ULBP1: variants seen among roughly 807,000 people sequenced by gnomAD.
ULBP1 encodes UL16-binding protein 1.
A neutral mutation model predicts 25.3 loss-of-function variants in ULBP1; 28 were observed. The ratio of observed to expected loss-of-function variants is 1.10; its 90% CI spans 0.82 to 1.51. The LOEUF is 1.51. Among genes scored for constraint, ULBP1 ranks in the 40% most tolerant of loss-of-function variants. ULBP1 has a pLI of 0.00. For synonymous variants in ULBP1, 129 were observed against 103.0 expected (o/e 1.25, Z -1.53); for missense variants, 348 against 290.9 (o/e 1.20, Z -1.43).
In ULBP1 at chr6:149,963,956, C is replaced by G. The variant is rs1779146676; in HGVS notation, c.-94C>G. ...ATCCCGCCCAGTGTATCCCTGCGCG[C>G]GGCGGGCCGGGCTGGGCAGCTTTAT... On this transcript the variant is annotated 5_prime_UTR_variant, in exon 1 of 5. Transcript: ENST00000229708. 10 of 1,289,958 alleles carry G rather than the reference C, an allele frequency of 7.8e-6. No homozygotes were observed. The highest frequency in any genetic ancestry group is 1.1e-5 in the Non-Finnish European group (10 of 916,724). 79.9% of individuals were successfully genotyped at this position (1,289,958 alleles called of 1,614,324 possible). A position where few individuals can be genotyped will look rare whatever the true frequency, so the allele number is the denominator to read the frequency against.
At position 149,968,830 on chromosome 6, in the gene ULBP1, G is replaced by A. The variant is rs115267288; in HGVS notation, c.309G>A (p.Gly103=). Residue 103 remains glycine, a synonymous_variant, in exon 2 of 5, where the codon GGG becomes GGA. Transcript: ENST00000229708. ...TLRDVVDFLK[G]QLLDIQVENL... Reference sequence around the variant, plus strand: ...GAGACGTGGTGGATTTCCTTAAAGGGCAACTGCTTGACATTCAAGTGGAGA... The same window carrying A: ...GAGACGTGGTGGATTTCCTTAAAGGACAACTGCTTGACATTCAAGTGGAGA... 1,235 of 1,614,202 alleles carry A rather than the reference G, an allele frequency of 7.7e-4. No homozygotes were observed. The highest frequency in any genetic ancestry group is 1.0e-3 in the Non-Finnish European group (1,186 of 1,180,030).
intron 1 of ULBP1, among the ~76,000 whole-genome samples, chr6:149,968,338 G>A (rs1779240102): frequency 6.6e-6 from 1 of 152,216 alleles, no homozygotes; most frequent in Admixed American, 6.5e-5. Flanking sequence ...ACAAGGTCAT[G>A]TGCTGACTGA....
At chr6:149,964,212 GGGA>G in intron 1 of ULBP1, 78 bp downstream of exon 1, 8 of 1,537,590 alleles carry the variant, frequency 5.2e-6, no homozygotes, top group Non-Finnish European at 7.1e-6. Flanking sequence ...TTCAGAGGAG[GGGA>G]GGCTTCTGGA....
intron 3 of ULBP1, 144 bp downstream of exon 3, chr6:149,969,504 G>A (rs1326015856): frequency 4.8e-5 from 55 of 1,135,394 alleles, no homozygotes; most frequent in Middle Eastern, 4.1e-4. Flanking sequence ...GTCCTGGCAT[G>A]CCTGTGCTCT....
In ULBP1 at chr6:149,971,605, G is replaced by C. The variant is rs1977656; in HGVS notation, c.*259G>C. On this transcript the variant is annotated 3_prime_UTR_variant, in exon 5 of 5. Transcript: ENST00000229708. ...TTCTTAACACCTTCTGCCACTTTCTGTCGGTGCTAATGGATGGAACTCCTG... is the reference window on the plus strand; with the variant it reads ...TTCTTAACACCTTCTGCCACTTTCTCTCGGTGCTAATGGATGGAACTCCTG... The C allele has an allele frequency of 0.12, 19,239 of 157,276 alleles. 2,171 individuals are homozygous for C. The highest frequency in any genetic ancestry group is 0.36 in the East Asian group (1,845 of 5,160). 9.7% of individuals were successfully genotyped at this position (157,276 alleles called of 1,614,324 possible). A position where few individuals can be genotyped will look rare whatever the true frequency, so the allele number is the denominator to read the frequency against.
intron 3 of ULBP1, 147 bp from the exon 4 acceptor site, chr6:149,969,869 C>T (rs1221136880): frequency 3.6e-6 from 4 of 1,104,250 alleles, no homozygotes; most frequent in Non-Finnish European, 5.1e-6. Flanking sequence ...CCCTTCTTAC[C>T]CCAAGACTTG....
At position 149,969,292 on chromosome 6, in the gene ULBP1, C is replaced by A. The variant is rs766282584; in HGVS notation, c.557C>A (p.Ser186Ter). 13 of 1,614,196 alleles carry A rather than the reference C, an allele frequency of 8.1e-6. No individual in the cohort carries two copies. In the South Asian group the frequency reaches 1.4e-4, roughly 18 times the overall value. The change falls in exon 3 of 5, where the codon TCA (serine) becomes TAA (stop). Residue 186 changes from serine (S) to a stop codon, truncating the protein, a stop_gained. Transcript: ENST00000229708. LOFTEE classifies it high-confidence loss of function. ...RDVTMFFQKI[S>*]LGDCKMWLEE... ...GTGACCATGTTCTTCCAGAAGATTT[C>A]ACTGGGGGATTGTAAGATGTGGCTT...
Position 149,968,519 on chromosome 6 carries a change from C to T in ULBP1, c.86-88C>T, listed in dbSNP as rs1779243461. ...TCTGCCAGCCCAGCCCCTCAGAGGC[C>T]TTCACTTGCAGTCACCATAAGTGGG... On this transcript the variant is annotated intron_variant, in intron 1 of 4. Coordinates refer to ENST00000229708, the MANE Select transcript of ULBP1 (RefSeq NM_025218.4). 7 of 1,515,338 alleles carry T rather than the reference C, an allele frequency of 4.6e-6. No individual in the cohort carries two copies. In the South Asian group the frequency reaches 9.4e-5, roughly 20 times the overall value. 93.9% of individuals were successfully genotyped at this position (1,515,338 alleles called of 1,614,324 possible).
At chr6:149,967,803 A>G (rs1365709920) in intron 1 of ULBP1, among the ~76,000 whole-genome samples, 3 of 152,142 alleles carry the variant, frequency 2.0e-5, no homozygotes, top group South Asian at 2.1e-4. Context: ...TTTCAGGAAC[A>G]GCATTTCCTA....
At chr6:149,966,207 C>T (rs943873012) in intron 1 of ULBP1, among the ~76,000 whole-genome samples, 17 of 152,308 alleles carry the variant, frequency 1.1e-4, no homozygotes, top group African/African-American at 3.8e-4. Context: ...AGTCCTGTCC[C>T]TTTGTAGAGC....
intron 3 of ULBP1, among the ~76,000 whole-genome samples, 184 bp downstream of exon 3, chr6:149,969,544 C>T (rs2114713558): frequency 6.6e-6 from 1 of 152,090 alleles, no homozygotes; most frequent in African/African-American, 2.4e-5. Flanking sequence ...TTCCCCCTGA[C>T]TCCTCTTCCT....
chr6:149,968,774 A>G lies in ULBP1; in HGVS notation c.253A>G (p.Lys85Glu). Residue 85 changes from lysine (K) to glutamate (E), a missense_variant, in exon 2 of 5, where the codon AAA becomes GAA. By Grantham distance (56) the Lys-to-Glu change is moderately conservative. Transcript: ENST00000229708. ...ASLGKKVNVT[K>E]TWEEQTETLR... is the part of the protein sequence containing the mutation. ...TCTGGGGAAGAAAGTCAATGTCACA[A>G]AAACCTGGGAAGAACAAACTGAAAC... The G allele has an allele frequency of 6.2e-7, 1 of 1,614,282 alleles. No individual in the cohort carries two copies. The highest frequency in any genetic ancestry group is 8.5e-7 in the Non-Finnish European group (1 of 1,180,052).
chr6:149,968,488 T>G, intron 1 of ULBP1, 119 bp from the exon 2 acceptor site: 1 of 1,350,188 alleles, frequency 7.4e-7, no homozygotes, highest in African/African-American at 1.5e-5. Context: ...CTGGGGCATG[T>G]CTTGGTCTGC....
intron 1 of ULBP1, among the ~76,000 whole-genome samples, chr6:149,966,348 C>T (rs1165089207): frequency 6.6e-6 from 1 of 152,012 alleles, no homozygotes; most frequent in Non-Finnish European, 1.5e-5. Context: ...GTGTCATCTC[C>T]AAGTAGTGTA....
At chr6:149,970,518 A>G (rs61462794) in intron 4 of ULBP1, among the ~76,000 whole-genome samples, 20,788 of 152,022 alleles carry the variant, frequency 0.14, 2,624 homozygotes, top group East Asian at 0.34. Flanking sequence ...TAGCATGGCC[A>G]CTTCACCAAG....
chr6:149,963,964 C>A lies in ULBP1; in HGVS notation c.-86C>A. 2 of 1,398,170 alleles carry A rather than the reference C, an allele frequency of 1.4e-6. No homozygotes were observed. Among genetic ancestry groups the A allele is most frequent in the Non-Finnish European group, 9.9e-7 (1 of 1,008,038 alleles). 86.6% of individuals were successfully genotyped at this position (1,398,170 alleles called of 1,614,324 possible). A position where few individuals can be genotyped will look rare whatever the true frequency, so the allele number is the denominator to read the frequency against. ...CAGTGTATCCCTGCGCGCGGCGGGC[C>A]GGGCTGGGCAGCTTTATAAACAGCC... On this transcript the variant is annotated 5_prime_UTR_variant, in exon 1 of 5. Transcript: ENST00000229708.
intron 3 of ULBP1, 69 bp downstream of exon 3, chr6:149,969,429 G>A: frequency 1.3e-6 from 2 of 1,569,626 alleles, no homozygotes; most frequent in Non-Finnish European, 1.7e-6. Flanking sequence ...ATGTGTGTGA[G>A]TGCGTGTGTG....
Position 149,971,830 on chromosome 6 carries a change from T to C in ULBP1, c.*484T>C, listed in dbSNP as rs2114717704. 1 of 152,366 alleles carries C rather than the reference T, an allele frequency of 6.6e-6. No individual in the cohort carries two copies. 9.4% of individuals were successfully genotyped at this position (152,366 alleles called of 1,614,324 possible). A position where few individuals can be genotyped will look rare whatever the true frequency, so the allele number is the denominator to read the frequency against. The stretch of plus-strand genomic sequence containing the variant: ...GAATTGTGATAATCCTTTTCATTTT[T>C]ATGGCTTTTTACAGTTTCTCATTCT... On this transcript the variant is annotated 3_prime_UTR_variant, in exon 5 of 5. Transcript: ENST00000229708.
chr6:149,964,205 AGAGGAGG>A (rs1664879660), intron 1 of ULBP1, 71 bp downstream of exon 1: 5 of 1,554,576 alleles, frequency 3.2e-6, no homozygotes, highest in Non-Finnish European at 4.4e-6. Context: ...AGCGGGTTTC[AGAGGAGG>A]GGAGGCTTCT....
Sources: gnomAD v4.1 joint callset for allele counts (sites outside exome capture counted in the v4.1 genomes callset) on GRCh38, gnomAD v4.1.1 for gene constraint, MANE v1.5 for transcripts, NCBI Gene and HGNC (gene_info 2026-07-23, HGNC 2026-07-21) for gene names.